The following PTPRC variants were observed in gnomAD, a reference collection of about 807,000 sequenced individuals.
PTPRC encodes the protein receptor-type tyrosine-protein phosphatase C.
In PTPRC, 44 loss-of-function variants were observed where a neutral mutation model predicts 155.9. The ratio of observed to expected loss-of-function variants is 0.28; its 90% confidence interval spans 0.22 to 0.36. PTPRC has a LOEUF of 0.36. Ranked by LOEUF, PTPRC falls within the 10% of genes least tolerant of loss-of-function variation. The probability of loss-of-function intolerance (pLI) is 1.00; values close to 1 mark genes in which losing one functional copy is unlikely to be tolerated. For synonymous variants in PTPRC, 525 were observed against 533.1 expected, an observed-to-expected ratio of 0.98 and a Z score of 0.21; for missense variants, 1,401 against 1,564.6, an observed-to-expected ratio of 0.90 and a Z score of 1.76.
intron 2 of PTPRC, among the ~76,000 whole-genome samples, chr1:198,687,380 C>G (rs1195273861): frequency 6.6e-6 from 1 of 152,082 alleles, no homozygotes. Context: ...AATGTTTGCA[C>G]ATATGAAGTG....
chr1:198,723,021 C>A (rs1006309285), intron 15 of PTPRC, among the ~76,000 whole-genome samples: 1 of 151,344 alleles, frequency 6.6e-6, no homozygotes, highest in Non-Finnish European at 1.5e-5. Context: ...ATGAAAATAA[C>A]AGCTGCATGT....
rs773038500 is a variant in PTPRC at position 198,755,981 on chromosome 1, C to T, written c.3721C>T (p.His1241Tyr). 1.8e-5 allele frequency: 29 copies of T among 1,613,114 alleles called. No individual in the cohort carries two copies. The highest frequency in any genetic ancestry group is 1.4e-4 in the South Asian group (13 of 91,062). The change falls in exon 33 of 33, where the codon CAT becomes TAT. Residue 1241 changes from histidine (H) to tyrosine (Y), a missense_variant. Physicochemically the swap from His to Tyr is moderately conservative, Grantham distance 83. This residue lies in a region of PTPRC where 400 missense variants were observed against 389.5 expected (regional missense o/e 1.03). Coordinates refer to ENST00000442510, the MANE Select transcript of PTPRC (RefSeq NM_002838.5). ...AQNGQVKKNN[H>Y]QEDKIEFDNE... ...GAATGGACAAGTAAAGAAAAACAAC[C>T]ATCAAGAAGATAAAATTGAATTTGA...
rs780363618 is a variant in PTPRC, at chr1:198,731,710, T to G, written c.1958T>G (p.Phe653Cys). 1 of 1,604,916 alleles carries G rather than the reference T, an allele frequency of 6.2e-7. No homozygotes were observed. Among genetic ancestry groups the G allele is most frequent in the South Asian group, 1.1e-5 (1 of 90,906 alleles). The change falls in exon 18 of 33, where the codon TTT (phenylalanine) becomes TGT (cysteine). Residue 653 changes from phenylalanine to cysteine, a missense_variant. Phe to Cys is a radical substitution (Grantham distance 205, BLOSUM62 -2). This residue lies in a region of PTPRC where 867 missense variants were observed against 970.4 expected (regional missense o/e 0.89). Transcript: ENST00000442510. ...AAGATTGCTGATGAAGGAAGACTTT[T>G]TCTGGCTGAATTTCAGGTGTGTGTT... ...KRKIADEGRLFLAEFQSIPRV... is the reference protein window; with the variant it reads ...KRKIADEGRLCLAEFQSIPRV...
intron 14 of PTPRC, among the ~76,000 whole-genome samples, chr1:198,719,920 T>G (rs927617388): frequency 6.6e-6 from 1 of 152,202 alleles, no homozygotes; most frequent in East Asian, 1.9e-4. Context: ...CCATATTCTT[T>G]ATCACTTAAA....
intron 2 of PTPRC, among the ~76,000 whole-genome samples, chr1:198,669,942 C>A (rs920393405): frequency 6.6e-6 from 1 of 152,076 alleles, no homozygotes; most frequent in African/African-American, 2.4e-5. Flanking sequence ...TGGCATCACC[C>A]AAAGGACCTT....
chr1:198,756,698 T>C lies in PTPRC; in HGVS notation c.*517T>C. 6.9e-6 allele frequency: 1 copy of C among 144,116 alleles called. No individual in the cohort carries two copies. Among genetic ancestry groups the C allele is most frequent in the East Asian group, 2.1e-4 (1 of 4,862 alleles). 8.9% of individuals were successfully genotyped at this position (144,116 alleles called of 1,614,324 possible). ...ACTCATATATATCTATCTTATATAG[T>C]TTACTATTTTACTTCTAGAGATAGT... On this transcript the variant is annotated 3_prime_UTR_variant, in exon 33 of 33. Coordinates refer to ENST00000442510, the MANE Select transcript of PTPRC (RefSeq NM_002838.5).
intron 2 of PTPRC, among the ~76,000 whole-genome samples, chr1:198,692,069 G>T (rs1434437101): frequency 3.9e-5 from 6 of 152,018 alleles, no homozygotes; most frequent in Non-Finnish European, 7.4e-5. Context: ...TCTTTTGCAG[G>T]CTTGAAATTA....
At position 198,734,438 on chromosome 1, in the gene PTPRC, A is replaced by C. The variant is rs1654532837; in HGVS notation, c.2277+13A>C. On this transcript the variant is annotated intron_variant, in intron 22 of 32. Transcript: ENST00000442510. ...AGAAGGAAACAGGGTAAGAACCAAGAAGATTCATAGTGTGGGTCTTGGGGT... is the reference window on the plus strand; with the variant it reads ...AGAAGGAAACAGGGTAAGAACCAAGCAGATTCATAGTGTGGGTCTTGGGGT... 6.2e-7 allele frequency: 1 copy of C among 1,607,758 alleles called. No homozygotes were observed. The highest frequency in any genetic ancestry group is 1.3e-5 in the African/African-American group (1 of 74,746).
intron 2 of PTPRC, among the ~76,000 whole-genome samples, chr1:198,684,061 A>G (rs1665485828): frequency 6.6e-6 from 1 of 151,960 alleles, no homozygotes; most frequent in Admixed American, 6.6e-5. Flanking sequence ...AAAGGCACAC[A>G]AATCTAAATC....
At chr1:198,722,703 G>T (rs1206161771) in intron 15 of PTPRC, among the ~76,000 whole-genome samples, 1 of 148,488 alleles carries the variant, frequency 6.7e-6, no homozygotes, top group Non-Finnish European at 1.5e-5. Flanking sequence ...TTAAAGGTTT[G>T]TTGAATTCAT....
chr1:198,677,671 A>G (rs1280744852), intron 2 of PTPRC, among the ~76,000 whole-genome samples: 1 of 152,184 alleles, frequency 6.6e-6, no homozygotes, highest in Non-Finnish European at 1.5e-5. Flanking sequence ...CAAAATAATT[A>G]AATCTAAACA....
intron 11 of PTPRC, among the ~76,000 whole-genome samples, chr1:198,711,872 A>C (rs1653329047): frequency 6.6e-6 from 1 of 152,252 alleles, no homozygotes; most frequent in African/African-American, 2.4e-5. Context: ...AATGATGCTC[A>C]GCATCATTAG....
intron 7 of PTPRC, among the ~76,000 whole-genome samples, chr1:198,704,129 T>C (rs534897524): frequency 4.6e-5 from 7 of 152,250 alleles, no homozygotes; most frequent in African/African-American, 1.7e-4. Flanking sequence ...TAAATTAACA[T>C]TGAGATTAAT....
intron 12 of PTPRC, among the ~76,000 whole-genome samples, chr1:198,714,996 AT>A (rs1653503781): frequency 6.6e-6 from 1 of 152,164 alleles, no homozygotes; most frequent in African/African-American, 2.4e-5. Flanking sequence ...TTTATCAACT[AT>A]TTTAATAACT....
chr1:198,683,079 T>C (rs1267421434), intron 2 of PTPRC, among the ~76,000 whole-genome samples: 1 of 152,192 alleles, frequency 6.6e-6, no homozygotes, highest in Non-Finnish European at 1.5e-5. Context: ...TCTAGACTCA[T>C]TTTGCTACAA....
At chr1:198,752,531 T>G in intron 30 of PTPRC, 63 bp from the exon 31 acceptor site, 1 of 1,551,794 alleles carries the variant, frequency 6.4e-7, no homozygotes, top group Non-Finnish European at 8.9e-7. Context: ...AAAATATGAC[T>G]ATCAAATTAG....
intron 12 of PTPRC, among the ~76,000 whole-genome samples, chr1:198,714,602 C>A (rs1020576813): frequency 2.6e-5 from 4 of 152,166 alleles, no homozygotes; most frequent in African/African-American, 9.7e-5. Context: ...CATGCCCTGA[C>A]ACTGCATAAA....
rs1666551915 is a variant in PTPRC at position 198,703,280 on chromosome 1, C to T, written c.584-18C>T. 12 of 1,612,380 alleles carry T rather than the reference C, an allele frequency of 7.4e-6. No homozygotes were observed. The highest frequency in any genetic ancestry group is 1.0e-5 in the Non-Finnish European group (12 of 1,179,988). On this transcript the variant is annotated intron_variant, in intron 6 of 32. Coordinates refer to ENST00000442510, the MANE Select transcript of PTPRC (RefSeq NM_002838.5). ...AACGAATTAATTAGCTTTTATTCTT[C>T]TATTCATTTTCTTGCAGATGCCTAC...
At chr1:198,704,623 A>C (rs1280120190) in intron 8 of PTPRC, 125 bp downstream of exon 8, 3 of 1,558,144 alleles carry the variant, frequency 1.9e-6, no homozygotes, top group Non-Finnish European at 1.8e-6. Flanking sequence ...TTTCTCACCG[A>C]TGACTAGTCT....
Sources: allele counts gnomAD v4.1 joint callset (sites outside exome capture counted in the v4.1 genomes callset), GRCh38; gene constraint gnomAD v4.1.1; regional missense constraint gnomAD v4.1.1; transcripts MANE v1.5; gene names NCBI Gene and HGNC (gene_info 2026-07-23, HGNC 2026-07-21).